Variants in RBPMS observed in about 807,000 individuals in gnomAD.
RBPMS encodes RNA binding protein, mRNA processing factor.
RBPMS carries 7 observed loss-of-function variants against 26.8 expected under a neutral mutation model. The observed-to-expected ratio is 0.26, with a 90% CI of 0.15 to 0.49. RBPMS has a LOEUF of 0.49. RBPMS is among the 20% of genes least tolerant of loss of function. The pLI is 0.98. For missense variants in RBPMS, 186 were observed against 250.0 expected, an observed-to-expected ratio of 0.74 and a Z score of 1.73; for synonymous variants, 96 against 93.3, an observed-to-expected ratio of 1.03 and a Z score of -0.17.
At chr8:30,477,116 G>A (rs563862818) in intron 2 of RBPMS, among the ~76,000 whole-genome samples, 1 of 152,228 alleles carries the variant, frequency 6.6e-6, no homozygotes, top group South Asian at 2.1e-4. Context: ...GTGTAGTGAC[G>A]CCATCGGCTC....
chr8:30,568,558 C>CACTT (rs1828052686), intron 8 of RBPMS, among the ~76,000 whole-genome samples: 1 of 152,174 alleles, frequency 6.6e-6, no homozygotes, highest in Non-Finnish European at 1.5e-5. Flanking sequence ...GGACTGTTCC[C>CACTT]ACTTACCTGA....
chr8:30,444,097 T>C (rs143989763), intron 1 of RBPMS, among the ~76,000 whole-genome samples: 1 of 151,410 alleles, frequency 6.6e-6, no homozygotes, highest in East Asian at 2.0e-4. Flanking sequence ...GGTTTCACCA[T>C]ATTGGCCAAG....
At chr8:30,541,949 C>T (rs1447016649) in intron 5 of RBPMS, among the ~76,000 whole-genome samples, 3 of 152,242 alleles carry the variant, frequency 2.0e-5, no homozygotes, top group Admixed American at 6.5e-5. Context: ...TGCTCAGGCT[C>T]ATACTGGAAA....
At chr8:30,552,131 A>G (rs1826434595) in intron 6 of RBPMS, among the ~76,000 whole-genome samples, 1 of 152,106 alleles carries the variant, frequency 6.6e-6, no homozygotes, top group Non-Finnish European at 1.5e-5. Flanking sequence ...GAAACACCAG[A>G]GCCAGGGTGA....
chr8:30,472,335 G>A (rs1379362732), intron 1 of RBPMS, among the ~76,000 whole-genome samples: 1 of 152,192 alleles, frequency 6.6e-6, no homozygotes, highest in Non-Finnish European at 1.5e-5. Flanking sequence ...GGTTCCCTCT[G>A]TATATGTAAG....
intron 4 of RBPMS, among the ~76,000 whole-genome samples, chr8:30,488,703 A>G (rs1044630327): frequency 6.6e-6 from 1 of 152,198 alleles, no homozygotes; most frequent in African/African-American, 2.4e-5. Flanking sequence ...CTACTCTTAA[A>G]ATAAAAAATT....
chr8:30,521,872 C>T (rs901730933), intron 5 of RBPMS, among the ~76,000 whole-genome samples: 3 of 152,132 alleles, frequency 2.0e-5, no homozygotes, highest in African/African-American at 7.2e-5. Context: ...GTTCTTACCA[C>T]ATCCTCCAAA....
chr8:30,526,997 T>C (rs180863860), intron 5 of RBPMS, among the ~76,000 whole-genome samples: 1 of 152,310 alleles, frequency 6.6e-6, no homozygotes, highest in African/African-American at 2.4e-5. Flanking sequence ...GATAGCGCTC[T>C]GTAGCTCCAT....
chr8:30,544,726 C>G (rs1350851932), intron 6 of RBPMS, 102 bp downstream of exon 6: 1 of 1,602,042 alleles, frequency 6.2e-7, no homozygotes, highest in Non-Finnish European at 8.5e-7. Context: ...ATCCAGCTAA[C>G]AGATCCACCC....
intron 4 of RBPMS, among the ~76,000 whole-genome samples, chr8:30,487,817 G>A (rs1221573116): frequency 3.3e-5 from 5 of 151,904 alleles, no homozygotes; most frequent in Non-Finnish European, 1.5e-5. Context: ...AAAATACACC[G>A]TGAAGTATAT....
intron 1 of RBPMS, among the ~76,000 whole-genome samples, chr8:30,389,616 A>G: frequency 6.6e-6 from 1 of 152,168 alleles, no homozygotes; most frequent in Non-Finnish European, 1.5e-5. Context: ...AGAAAACGGT[A>G]TCATAAAGAT....
Position 30,558,956 on chromosome 8 carries a change from TG to T in RBPMS, c.*7+1del. 1 of 1,613,334 alleles carries T rather than the reference TG, an allele frequency of 6.2e-7. No individual in the cohort carries two copies. The highest frequency in any genetic ancestry group is 8.5e-7 in the Non-Finnish European group (1 of 1,179,330). On this transcript the variant is annotated splice_donor_variant, in intron 7 of 8. Transcript: ENST00000397323. LOFTEE classifies it low-confidence loss of function (3UTR_SPLICE). ...GTCCCGTCAGTTCTGCTGAATACTATGTAAGTACTCGCTTTCCTTTGGAATG... is the reference window on the plus strand; with the variant it reads ...GTCCCGTCAGTTCTGCTGAATACTATTAAGTACTCGCTTTCCTTTGGAATG...
chr8:30,567,008 T>TA (rs1003425955), intron 8 of RBPMS, among the ~76,000 whole-genome samples: 11 of 152,042 alleles, frequency 7.2e-5, no homozygotes, highest in African/African-American at 1.2e-4. Context: ...AAATGTAGTC[T>TA]AAAAAAAATC....
intron 4 of RBPMS, among the ~76,000 whole-genome samples, chr8:30,487,296 C>T (rs1161800286): frequency 2.0e-5 from 3 of 152,188 alleles, no homozygotes; most frequent in Admixed American, 6.6e-5. Context: ...TCAGAGTTCC[C>T]TTTCACACAC....
At chr8:30,465,968 T>C (rs774380403) in intron 1 of RBPMS, among the ~76,000 whole-genome samples, 1 of 152,232 alleles carries the variant, frequency 6.6e-6, no homozygotes. Context: ...TCCTGCCTTA[T>C]GAATTATGGA....
chr8:30,510,859 C>G (rs1563391810), intron 5 of RBPMS, among the ~76,000 whole-genome samples: 1 of 152,108 alleles, frequency 6.6e-6, no homozygotes, highest in Admixed American at 6.5e-5. Flanking sequence ...AGGTGTGAGC[C>G]ATGACTCACT....
In RBPMS at chr8:30,529,261, G is replaced by A. The variant is rs144221056; in HGVS notation, c.398-15233G>A. Among the ~76,000 whole-genome samples the A allele has an allele frequency of 4.7e-4, 72 of 151,772 alleles. 1 individual carries two copies. In the East Asian group the frequency reaches 0.013, roughly 28 times the overall value. ...GGTAAAATATATATGACATAAACCTGCCATTTTTTTTAGTGTACAATTCAG... is the reference window on the plus strand; with the variant it reads ...GGTAAAATATATATGACATAAACCTACCATTTTTTTTAGTGTACAATTCAG... On this transcript the variant is annotated intron_variant, in intron 5 of 8. Transcript: ENST00000397323.
intron 1 of RBPMS, among the ~76,000 whole-genome samples, chr8:30,436,925 CTT>C (rs370802180): frequency 8.6e-5 from 12 of 139,966 alleles, no homozygotes; most frequent in Non-Finnish European, 1.1e-4. Context: ...ATATATGTAG[CTT>C]TTTTTTTTTT....
intron 6 of RBPMS, among the ~76,000 whole-genome samples, chr8:30,557,543 G>A (rs1260423226): frequency 2.0e-5 from 3 of 152,162 alleles, no homozygotes; most frequent in African/African-American, 7.2e-5. Context: ...AGAGCCCTGC[G>A]TTGTGCAGTG....
Sources: allele counts gnomAD v4.1 joint callset (sites outside exome capture counted in the v4.1 genomes callset), GRCh38; gene constraint gnomAD v4.1.1; transcripts MANE v1.5; gene names NCBI Gene and HGNC (gene_info 2026-07-23, HGNC 2026-07-21).